Variants in CHCHD6 observed in about 807,000 individuals in gnomAD.
The protein encoded by CHCHD6 is MICOS complex subunit MIC25.
In CHCHD6, 28 loss-of-function variants were observed where a neutral mutation model predicts 32.3. The observed-to-expected ratio is 0.87, with a 90% CI of 0.64 to 1.19. The LOEUF is 1.19. Among genes scored for constraint, CHCHD6 ranks in the 50% most tolerant of loss-of-function variants. The pLI is 0.00. For synonymous variants in CHCHD6, 122 were observed against 117.5 expected (o/e 1.04, Z -0.25); for missense variants, 333 against 307.0 (o/e 1.08, Z -0.63).
chr3:126,862,614 C>A (rs574543304), intron 5 of CHCHD6, among the ~76,000 whole-genome samples: 1 of 134,294 alleles, frequency 7.4e-6, no homozygotes. Flanking sequence ...TCACCACCTC[C>A]CCCTCCTCCA....
rs566933547 is a variant in CHCHD6 at position 126,846,474 on chromosome 3, A to G, written c.412-6173A>G. On this transcript the variant is annotated intron_variant, in intron 4 of 7. Coordinates refer to ENST00000290913, the MANE Select transcript of CHCHD6 (RefSeq NM_032343.3). ...AAGACTATGTATGTGGCTTTGCACAATATTTCAAAGGGATCCACACTTAAG... is the reference window on the plus strand; with the variant it reads ...AAGACTATGTATGTGGCTTTGCACAGTATTTCAAAGGGATCCACACTTAAG... Among the ~76,000 whole-genome samples the G allele has an allele frequency of 3.3e-5, 5 of 152,242 alleles. No individual in the cohort carries two copies. The South Asian group carries it at 8.3e-4, about 25-fold the overall frequency.
chr3:126,760,924 C>CCTGTG (rs1470854563), intron 4 of CHCHD6, among the ~76,000 whole-genome samples: 9 of 152,348 alleles, frequency 5.9e-5, no homozygotes, highest in Admixed American at 4.6e-4. Flanking sequence ...ACCTCAAACT[C>CCTGTG]CTGTGCTCAA....
intron 4 of CHCHD6, among the ~76,000 whole-genome samples, chr3:126,750,675 G>A (rs1308898594): frequency 6.6e-6 from 1 of 152,232 alleles, no homozygotes; most frequent in Non-Finnish European, 1.5e-5. Context: ...AGTTCCCAGA[G>A]CTTTCTCCCA....
intron 1 of CHCHD6, among the ~76,000 whole-genome samples, chr3:126,705,162 A>G (rs976546254): frequency 6.6e-6 from 1 of 152,078 alleles, no homozygotes; most frequent in African/African-American, 2.4e-5. Flanking sequence ...TAATTCAGAT[A>G]TCACCAGAGA....
At chr3:126,814,105 C>T (rs1488345865) in intron 4 of CHCHD6, among the ~76,000 whole-genome samples, 1 of 152,152 alleles carries the variant, frequency 6.6e-6, no homozygotes, top group Non-Finnish European at 1.5e-5. Context: ...GATTGAAGTA[C>T]ATTTTTCAAG....
intron 1 of CHCHD6, among the ~76,000 whole-genome samples, chr3:126,704,750 C>G (rs555569777): frequency 6.6e-6 from 1 of 152,270 alleles, no homozygotes; most frequent in South Asian, 2.1e-4. Context: ...GTGCGCGCAT[C>G]TCGTTCTGGG....
At chr3:126,921,383 A>G (rs1371499223) in intron 6 of CHCHD6, among the ~76,000 whole-genome samples, 3 of 151,934 alleles carry the variant, frequency 2.0e-5, no homozygotes, top group Admixed American at 6.6e-5. Context: ...GTGTATGTAC[A>G]CCCCCGCCCA....
intron 4 of CHCHD6, chr3:126,767,163 C>T (rs1454580468): frequency 2.5e-6 from 4 of 1,592,406 alleles, no homozygotes; most frequent in East Asian, 2.2e-5. Flanking sequence ...TAGAGGTTTC[C>T]TTTGCAGTCC....
At chr3:126,795,840 G>A (rs529790194) in intron 4 of CHCHD6, among the ~76,000 whole-genome samples, 2 of 152,296 alleles carry the variant, frequency 1.3e-5, no homozygotes, top group East Asian at 1.9e-4. Context: ...AGGGAAGCCA[G>A]AATGGTTTAC....
intron 4 of CHCHD6, among the ~76,000 whole-genome samples, chr3:126,842,384 G>A (rs1047688154): frequency 3.3e-5 from 5 of 152,302 alleles, no homozygotes; most frequent in African/African-American, 1.2e-4. Flanking sequence ...TTAAACATTT[G>A]AGAAGCATGG....
chr3:126,834,826 G>A (rs1940788931), intron 4 of CHCHD6, among the ~76,000 whole-genome samples: 1 of 152,174 alleles, frequency 6.6e-6, no homozygotes, highest in African/African-American at 2.4e-5. Context: ...GCTGAAGGAA[G>A]CGTTGGCTGG....
At chr3:126,891,433 A>G (rs1343548565) in intron 5 of CHCHD6, among the ~76,000 whole-genome samples, 8 of 152,046 alleles carry the variant, frequency 5.3e-5, no homozygotes, top group Non-Finnish European at 8.8e-5. Context: ...GTCTAGTGGG[A>G]GTGGGAGATG....
chr3:126,893,214 G>A (rs977183534), intron 5 of CHCHD6, among the ~76,000 whole-genome samples: 3 of 152,140 alleles, frequency 2.0e-5, no homozygotes, highest in Admixed American at 6.5e-5. Context: ...TGTCTCGGCT[G>A]GCCTCCCAAA....
At chr3:126,770,808 C>A (rs1937529292) in intron 4 of CHCHD6, among the ~76,000 whole-genome samples, 1 of 152,118 alleles carries the variant, frequency 6.6e-6, no homozygotes, top group African/African-American at 2.4e-5. Flanking sequence ...GTGTCTCTGC[C>A]AGGTTTTTGG....
At chr3:126,820,797 C>T (rs950921916) in intron 4 of CHCHD6, among the ~76,000 whole-genome samples, 4 of 152,192 alleles carry the variant, frequency 2.6e-5, no homozygotes, top group Non-Finnish European at 5.9e-5. Flanking sequence ...ATGTACTCCA[C>T]ATTCCTACCA....
chr3:126,722,359 C>T (rs1307527936), intron 1 of CHCHD6, among the ~76,000 whole-genome samples: 1 of 152,152 alleles, frequency 6.6e-6, no homozygotes, highest in Non-Finnish European at 1.5e-5. Context: ...GAAAGGGCCT[C>T]ACTGTGTTGC....
intron 6 of CHCHD6, among the ~76,000 whole-genome samples, chr3:126,924,005 TGG>T (rs1433494764): frequency 1.3e-5 from 2 of 152,176 alleles, no homozygotes; most frequent in East Asian, 3.9e-4. Context: ...TCAGCAGCCA[TGG>T]GCACAAAGGG....
chr3:126,759,252 T>C (rs1255671784), intron 4 of CHCHD6, among the ~76,000 whole-genome samples: 3 of 152,252 alleles, frequency 2.0e-5, no homozygotes, highest in African/African-American at 7.2e-5. Flanking sequence ...TGTATTGTTA[T>C]TGAGTCATGT....
At chr3:126,836,405 C>G (rs1940863332) in intron 4 of CHCHD6, among the ~76,000 whole-genome samples, 3 of 152,202 alleles carry the variant, frequency 2.0e-5, no homozygotes, top group African/African-American at 7.2e-5. Flanking sequence ...GAGGGACCTT[C>G]TCTGGTCATT....
Sources: allele counts gnomAD v4.1 joint callset (sites outside exome capture counted in the v4.1 genomes callset), GRCh38; gene constraint gnomAD v4.1.1; transcripts MANE v1.5; gene names NCBI Gene and HGNC (gene_info 2026-07-23, HGNC 2026-07-21).